The following KCNIP4 variants were observed in gnomAD, a reference collection of about 807,000 sequenced individuals.
The protein encoded by KCNIP4 is Kv channel-interacting protein 4.
A neutral mutation model predicts 34.0 loss-of-function variants in KCNIP4; 12 were observed. The ratio of observed to expected loss-of-function variants is 0.35; its 90% CI spans 0.23 to 0.57. KCNIP4 has a LOEUF of 0.57. Ranked by LOEUF, KCNIP4 falls within the 20% of genes least tolerant of loss-of-function variation. The pLI is 0.83. For missense variants in KCNIP4, 238 were observed against 311.7 expected (o/e 0.76, Z 1.78); for synonymous variants, 124 against 102.2 (o/e 1.21, Z -1.29).
chr4:21,519,795 ATACACGTGTGTGTATG>A lies in KCNIP4; in HGVS notation c.61+428760_61+428775del, dbSNP rs1179078578. Reference sequence around the variant, plus strand: ...TACACACGTGTGTGTATGTGTGTGTATACACGTGTGTGTATGTGTGTGTATACACACGTGTGTGTAT... The same window carrying A: ...TACACACGTGTGTGTATGTGTGTGTATGTGTGTATACACACGTGTGTGTAT... On this transcript the variant is annotated intron_variant, in intron 1 of 8. Coordinates refer to ENST00000382152, the MANE Select transcript of KCNIP4 (RefSeq NM_025221.6). 1.1e-3 allele frequency among the ~76,000 whole-genome samples: 143 copies of A among 134,360 alleles called. 1 individual carries two copies. The highest frequency in any genetic ancestry group is 0.01 in the East Asian group (42 of 4,056). 88.1% of individuals were successfully genotyped at this position (134,360 alleles called of 152,430 possible). A position where few individuals can be genotyped will look rare whatever the true frequency, so the allele number is the denominator to read the frequency against.
At chr4:21,906,712 C>T (rs745955452) in intron 1 of KCNIP4, among the ~76,000 whole-genome samples, 30 of 152,102 alleles carry the variant, frequency 2.0e-4, no homozygotes, top group Non-Finnish European at 3.7e-4. Context: ...GTATCTACTG[C>T]CCAACATAAG....
chr4:20,802,710 CGTT>C (rs1047761436), intron 3 of KCNIP4, among the ~76,000 whole-genome samples: 2 of 152,106 alleles, frequency 1.3e-5, no homozygotes, highest in East Asian at 1.9e-4. Context: ...TAACAAAAAA[CGTT>C]GTTGTGGAAA....
chr4:20,843,064 T>A (rs1239843892), intron 3 of KCNIP4, among the ~76,000 whole-genome samples: 1 of 151,976 alleles, frequency 6.6e-6, no homozygotes, highest in Non-Finnish European at 1.5e-5. Context: ...GACACCACCA[T>A]GCCTGGCTAA....
chr4:21,147,957 AAAAG>A (rs1279482488), intron 1 of KCNIP4, among the ~76,000 whole-genome samples: 1 of 97,760 alleles, frequency 1.0e-5, no homozygotes, highest in African/African-American at 4.2e-5. Context: ...AAAAAAAAAA[AAAAG>A]AAAAAAAGTT....
At chr4:21,731,516 A>G (rs528030617) in intron 1 of KCNIP4, among the ~76,000 whole-genome samples, 2 of 152,296 alleles carry the variant, frequency 1.3e-5, no homozygotes, top group African/African-American at 2.4e-5. Context: ...ATATATGGCA[A>G]ACAATATGCC....
At chr4:20,775,023 C>A (rs1175956891) in intron 3 of KCNIP4, among the ~76,000 whole-genome samples, 2 of 152,126 alleles carry the variant, frequency 1.3e-5, no homozygotes, top group African/African-American at 2.4e-5. Context: ...TTTACTCTAC[C>A]AGAGTTGAAT....
intron 3 of KCNIP4, among the ~76,000 whole-genome samples, chr4:20,790,126 C>T (rs904899197): frequency 6.6e-6 from 1 of 152,104 alleles, no homozygotes; most frequent in Non-Finnish European, 1.5e-5. Context: ...ACTTGTACTG[C>T]ATGTAACTGT....
At chr4:20,993,450 T>C (rs1406111172) in intron 1 of KCNIP4, among the ~76,000 whole-genome samples, 2 of 152,148 alleles carry the variant, frequency 1.3e-5, no homozygotes, top group African/African-American at 4.8e-5. Flanking sequence ...GCTTCCAAGA[T>C]TCATTGTAAC....
intron 1 of KCNIP4, among the ~76,000 whole-genome samples, chr4:21,931,721 T>C (rs893727652): frequency 6.6e-6 from 1 of 152,100 alleles, no homozygotes; most frequent in Non-Finnish European, 1.5e-5. Flanking sequence ...CTATCGTGAA[T>C]AGTGCCGCAA....
intron 1 of KCNIP4, among the ~76,000 whole-genome samples, chr4:21,709,923 C>T (rs1303047590): frequency 6.6e-6 from 1 of 152,144 alleles, no homozygotes; most frequent in African/African-American, 2.4e-5. Flanking sequence ...ATATCCTAGT[C>T]CAACAGCTAA....
At chr4:20,746,092 G>A (rs528583866) in intron 5 of KCNIP4, among the ~76,000 whole-genome samples, 12 of 152,190 alleles carry the variant, frequency 7.9e-5, no homozygotes, top group Admixed American at 4.6e-4. Flanking sequence ...ATGTATTGCA[G>A]CACTATTCAC....
intron 1 of KCNIP4, among the ~76,000 whole-genome samples, chr4:21,466,361 A>G (rs1196965847): frequency 1.3e-5 from 2 of 152,152 alleles, no homozygotes; most frequent in Admixed American, 6.6e-5. Flanking sequence ...ATGGCCCCCT[A>G]ATCTAGGCCA....
At chr4:21,571,912 A>C (rs931079933) in intron 1 of KCNIP4, among the ~76,000 whole-genome samples, 3 of 152,226 alleles carry the variant, frequency 2.0e-5, no homozygotes, top group Non-Finnish European at 4.4e-5. Context: ...TATCTAATCA[A>C]ACTCATAGGA....
At chr4:20,850,314 C>A in intron 3 of KCNIP4, 1 of 372,462 alleles carries the variant, frequency 2.7e-6, no homozygotes, top group Admixed American at 4.0e-5. Context: ...TTGAATAAAA[C>A]TTTCTCAGAA....
At chr4:21,863,900 G>A (rs1379679393) in intron 1 of KCNIP4, among the ~76,000 whole-genome samples, 2 of 152,132 alleles carry the variant, frequency 1.3e-5, no homozygotes, top group Non-Finnish European at 2.9e-5. Context: ...AGGTGTCTCG[G>A]TTTTCCTTGG....
intron 1 of KCNIP4, among the ~76,000 whole-genome samples, chr4:21,472,302 G>C (rs55646902): frequency 0.12 from 18,978 of 151,982 alleles, 1,357 homozygotes; most frequent in South Asian, 0.21. Flanking sequence ...CCCCGAGATC[G>C]TAGGAGATGG....
chr4:21,694,970 GA>G (rs901488062), intron 1 of KCNIP4, among the ~76,000 whole-genome samples: 2 of 125,690 alleles, frequency 1.6e-5, no homozygotes, highest in African/African-American at 6.3e-5. Flanking sequence ...TTGGTAAAAA[GA>G]AAAAAAATCA....
chr4:21,525,630 C>T (rs1488002263), intron 1 of KCNIP4, among the ~76,000 whole-genome samples: 1 of 152,106 alleles, frequency 6.6e-6, no homozygotes, highest in Non-Finnish European at 1.5e-5. Flanking sequence ...AAGAATACAG[C>T]AGTGCTCATG....
intron 1 of KCNIP4, among the ~76,000 whole-genome samples, chr4:21,342,290 A>C (rs1335386950): frequency 6.6e-6 from 1 of 152,152 alleles, no homozygotes; most frequent in African/African-American, 2.4e-5. Flanking sequence ...AAAGAGAGAC[A>C]AAAGAATAGA....
Sources: gnomAD v4.1 joint callset for allele counts (sites outside exome capture counted in the v4.1 genomes callset) on GRCh38, gnomAD v4.1.1 for gene constraint, MANE v1.5 for transcripts, NCBI Gene and HGNC (gene_info 2026-07-23, HGNC 2026-07-21) for gene names.